IPO5: variants seen among roughly 807,000 people sequenced by gnomAD.
IPO5 encodes importin-5.
IPO5 carries 18 observed loss-of-function variants against 143.3 expected under a neutral mutation model. The observed-to-expected ratio is 0.13, with a 90% CI of 0.09 to 0.19. The LOEUF is 0.19. Among genes scored for constraint, IPO5 ranks in the 10% least tolerant of loss-of-function variants. The pLI is 1.00. For synonymous variants in IPO5, 477 were observed against 465.7 expected (o/e 1.02, Z -0.31); for missense variants, 1,013 against 1,336.9 (o/e 0.76, Z 3.78).
At chr13:98,008,460 G>C (rs968746305) in intron 18 of IPO5, among the ~76,000 whole-genome samples, 19 of 152,212 alleles carry the variant, frequency 1.2e-4, no homozygotes, top group Admixed American at 5.9e-4. Context: ...GCAACTTTCA[G>C]ATCTTCAGAA....
At chr13:97,985,688 T>C (rs1887281647) in intron 6 of IPO5, 75 bp downstream of exon 6, 2 of 974,432 alleles carry the variant, frequency 2.1e-6, no homozygotes, top group Admixed American at 2.0e-5. Flanking sequence ...AATGGAATCT[T>C]TTAGAGTAAG....
At chr13:97,956,038 G>A (rs1417473567) in intron 2 of IPO5, among the ~76,000 whole-genome samples, 6 of 151,086 alleles carry the variant, frequency 4.0e-5, no homozygotes, top group East Asian at 1.9e-4. Context: ...AGGCTGAGGC[G>A]AGACAATGGC....
chr13:97,987,400 A>G (rs1437085679), intron 6 of IPO5, among the ~76,000 whole-genome samples: 2 of 152,184 alleles, frequency 1.3e-5, no homozygotes, highest in African/African-American at 4.8e-5. Flanking sequence ...TAATTTTAAA[A>G]TCTCATCAAC....
In IPO5 at chr13:97,973,590, C is replaced by T. The variant is rs535618524; in HGVS notation, c.-4-3103C>T. Among the ~76,000 whole-genome samples the T allele has an allele frequency of 2.1e-4, 32 of 152,250 alleles. No homozygotes were observed. The South Asian group carries it at 4.8e-3, about 23-fold the overall frequency. On this transcript the variant is annotated intron_variant, in intron 3 of 28. Coordinates refer to ENST00000651721, the MANE Select transcript of IPO5 (RefSeq NM_002271.6). ...CTGGAATTTCTCCCATTTTGGGTGG[C>T]GGGGTGGTCTCTTCATTCATTAACC...
chr13:97,969,738 C>T lies in IPO5; in HGVS notation c.-97C>T, dbSNP rs1459588671. ...GTCAAATCAGCAGAGGAAAGAAATTCCTAAGGGAACACTGCTCAGAAAGTA... is the reference window on the plus strand; with the variant it reads ...GTCAAATCAGCAGAGGAAAGAAATTTCTAAGGGAACACTGCTCAGAAAGTA... On this transcript the variant is annotated 5_prime_UTR_variant, in exon 3 of 29. Coordinates refer to ENST00000651721, the MANE Select transcript of IPO5 (RefSeq NM_002271.6). 1 of 1,538,744 alleles carries T rather than the reference C, an allele frequency of 6.5e-7. No homozygotes were observed.
chr13:98,014,173 G>A lies in IPO5; in HGVS notation c.2284G>A (p.Asp762Asn). 6.2e-7 allele frequency: 1 copy of A among 1,612,112 alleles called. No homozygotes were observed. Among genetic ancestry groups the A allele is most frequent in the Non-Finnish European group, 8.5e-7 (1 of 1,179,300 alleles). ...AATTAAGGCCATTGGTACAGAACCAGATTCAGACGTCCTCTCAGAAATAAT... is the reference window on the plus strand; with the variant it reads ...AATTAAGGCCATTGGTACAGAACCAAATTCAGACGTCCTCTCAGAAATAAT... ...ALIKAIGTEP[D>N]SDVLSEIMHS... The change falls in exon 22 of 29, where the codon GAT becomes AAT. Residue 762 changes from aspartate to asparagine, a missense_variant. Coordinates refer to ENST00000651721, the MANE Select transcript of IPO5 (RefSeq NM_002271.6).
rs763062627 is a variant in IPO5, at chr13:98,012,312, G to A, written c.2122G>A (p.Val708Ile). 6.2e-7 allele frequency: 1 copy of A among 1,609,606 alleles called. No individual in the cohort carries two copies. Among genetic ancestry groups the A allele is most frequent in the Non-Finnish European group, 8.5e-7 (1 of 1,176,056 alleles). Residue 708 changes from valine to isoleucine, a missense_variant, in exon 21 of 29, where the codon GTC becomes ATC. Transcript: ENST00000651721. Reference protein sequence around the residue: ...EYTEQVVKLMVPLLKFYFHDG... With the variant: ...EYTEQVVKLMIPLLKFYFHDG... ...CACCGAACAGGTTGTCAAACTGATG[G>A]TCCCTTTACTGAAATTTTATTTCCA...
chr13:97,994,508 C>A (rs537895641), intron 11 of IPO5, among the ~76,000 whole-genome samples: 2 of 152,166 alleles, frequency 1.3e-5, no homozygotes, highest in South Asian at 4.1e-4. Flanking sequence ...GTTATAGTAA[C>A]TGGGAATAAA....
chr13:97,983,692 A>G (rs939277427), intron 5 of IPO5, among the ~76,000 whole-genome samples: 72 of 152,276 alleles, frequency 4.7e-4, no homozygotes, highest in African/African-American at 1.7e-3. Flanking sequence ...TTGTAGTGTA[A>G]GACTTTTTTT....
chr13:97,990,075 C>A, intron 7 of IPO5, 51 bp from the exon 8 acceptor site: 2 of 1,089,136 alleles, frequency 1.8e-6, no homozygotes, highest in Non-Finnish European at 2.8e-6. Flanking sequence ...CATACTTTAC[C>A]AAGATATTAA....
In IPO5 at chr13:98,019,269, CTT is replaced by C. The variant is rs200966809; in HGVS notation, c.2837-311_2837-310del. 3.3e-4 allele frequency among the ~76,000 whole-genome samples: 50 copies of C among 152,224 alleles called. No individual in the cohort carries two copies. The East Asian group carries it at 9.1e-3, about 28-fold the overall frequency. On this transcript the variant is annotated intron_variant, in intron 26 of 28. Transcript: ENST00000651721. ...ACCTGGCAGAATAGGACTTTTAAAA[CTT>C]ACTGGGGAATATAGTTAGGCAGCTT...
At chr13:97,989,002 C>A in intron 6 of IPO5, 60 bp from the exon 7 acceptor site, 1 of 888,962 alleles carries the variant, frequency 1.1e-6, no homozygotes, top group Non-Finnish European at 1.9e-6. Flanking sequence ...AAAGGATTTA[C>A]TCCTAGTATA....
At chr13:97,977,857 A>G (rs916420497) in intron 4 of IPO5, among the ~76,000 whole-genome samples, 2 of 152,206 alleles carry the variant, frequency 1.3e-5, no homozygotes, top group African/African-American at 4.8e-5. Context: ...GATTAAGTGA[A>G]GGATGTTCAG....
At position 98,014,232 on chromosome 13, in the gene IPO5, A is replaced by T; in HGVS notation, c.2325+18A>T. 6.4e-7 allele frequency: 1 copy of T among 1,551,900 alleles called. No individual in the cohort carries two copies. Among genetic ancestry groups the T allele is most frequent in the Non-Finnish European group, 8.9e-7 (1 of 1,129,252 alleles). ...TTGCAAAGGTGAATATTTTTCTCTT[A>T]AAAAATATGTATAAGGTTGTATGTT... On this transcript the variant is annotated intron_variant, in intron 22 of 28. Coordinates refer to ENST00000651721, the MANE Select transcript of IPO5 (RefSeq NM_002271.6).
At chr13:98,008,004 A>G in intron 17 of IPO5, 55 bp from the exon 18 acceptor site, 1 of 1,110,978 alleles carries the variant, frequency 9.0e-7, no homozygotes, top group Non-Finnish European at 1.4e-6. Context: ...TTTGCTAATT[A>G]CACAAGAAAC....
intron 4 of IPO5, among the ~76,000 whole-genome samples, chr13:97,978,390 A>G (rs1886565639): frequency 1.3e-5 from 2 of 152,214 alleles, no homozygotes; most frequent in South Asian, 2.1e-4. Flanking sequence ...CCCTCTATGA[A>G]ATGGATATTG....
intron 2 of IPO5, among the ~76,000 whole-genome samples, chr13:97,958,911 C>T (rs1299677297): frequency 1.3e-5 from 2 of 152,052 alleles, no homozygotes; most frequent in Non-Finnish European, 2.9e-5. Flanking sequence ...GTGGCTCACA[C>T]CTGTAACCCC....
At chr13:98,017,750 G>A (rs1409080663) in intron 25 of IPO5, among the ~76,000 whole-genome samples, 1 of 152,116 alleles carries the variant, frequency 6.6e-6, no homozygotes, top group Non-Finnish European at 1.5e-5. Context: ...TTCTGTTATG[G>A]ACCTACATCA....
intron 2 of IPO5, among the ~76,000 whole-genome samples, chr13:97,954,933 A>G (rs1341131013): frequency 6.6e-6 from 1 of 152,088 alleles, no homozygotes; most frequent in East Asian, 1.9e-4. Flanking sequence ...TAAACCTCCA[A>G]ATGAAAAATA....
Sources: allele counts gnomAD v4.1 joint callset (sites outside exome capture counted in the v4.1 genomes callset), GRCh38; gene constraint gnomAD v4.1.1; transcripts MANE v1.5; gene names NCBI Gene and HGNC (gene_info 2026-07-23, HGNC 2026-07-21).